The following PYY variants were observed in gnomAD, a reference collection of about 807,000 sequenced individuals.
PYY encodes peptide YY.
In PYY, 12 loss-of-function variants were observed where a neutral mutation model predicts 10.3. The observed-to-expected ratio is 1.17, with a 90% CI of 0.75 to 1.89. The LOEUF (loss-of-function observed/expected upper bound fraction) is 1.89. Ranked by LOEUF, PYY falls within the 40% of genes most tolerant of loss-of-function variation. The pLI is 0.00. For missense variants in PYY, 141 were observed against 134.0 expected (o/e 1.05, Z -0.26); for synonymous variants, 66 against 62.0 (o/e 1.06, Z -0.30).
chr17:43,959,688 G>GA (rs911721630), intron 2 of PYY, among the ~76,000 whole-genome samples: 1 of 151,780 alleles, frequency 6.6e-6, no homozygotes, highest in Non-Finnish European at 1.5e-5. Context: ...TCTCAAAAAA[G>GA]AAAAAAAATA....
At chr17:43,996,019 T>C (rs1318816487) in intron 1 of PYY, among the ~76,000 whole-genome samples, 3 of 151,950 alleles carry the variant, frequency 2.0e-5, no homozygotes, top group African/African-American at 7.2e-5. Flanking sequence ...ATTATATATA[T>C]ATATGAAAGA....
At chr17:43,980,808 A>G (rs1445210868) in intron 1 of PYY, among the ~76,000 whole-genome samples, 1 of 152,052 alleles carries the variant, frequency 6.6e-6, no homozygotes. Context: ...CTTCTGCTCA[A>G]TATTATGTTT....
At chr17:43,985,983 G>A (rs539478588) in intron 1 of PYY, among the ~76,000 whole-genome samples, 12 of 152,132 alleles carry the variant, frequency 7.9e-5, no homozygotes, top group Non-Finnish European at 1.8e-4. Context: ...TTGGCCAGGC[G>A]CGGTGGCTCA....
At chr17:43,978,157 C>G (rs2048860281) in intron 1 of PYY, among the ~76,000 whole-genome samples, 1 of 145,114 alleles carries the variant, frequency 6.9e-6, no homozygotes, top group Admixed American at 7.0e-5. Context: ...GATTATGCCA[C>G]CAGACATAAG....
chr17:43,979,200 G>C (rs1440462777), intron 1 of PYY, among the ~76,000 whole-genome samples: 1 of 152,202 alleles, frequency 6.6e-6, no homozygotes, highest in Non-Finnish European at 1.5e-5. Flanking sequence ...TCACTTGGCG[G>C]CTAATTAGAA....
At chr17:43,963,604 A>AAGAAAGAG (rs2048731739) in intron 2 of PYY, among the ~76,000 whole-genome samples, 1 of 91,112 alleles carries the variant, frequency 1.1e-5, no homozygotes, top group Non-Finnish European at 2.8e-5. Flanking sequence ...GAAAGAAAGA[A>AAGAAAGAG]AGAAAGAAAG....
At chr17:43,989,849 T>A (rs1265614288) in intron 1 of PYY, among the ~76,000 whole-genome samples, 30 of 746 alleles carry the variant, frequency 0.04, 12 homozygotes, top group Admixed American at 0.076. Context: ...AAAAAATATA[T>A]ATATATATAT....
Position 43,987,874 on chromosome 17 carries a change from C to G in PYY, c.-463+16517G>C, listed in dbSNP as rs2048925545. Among the ~76,000 whole-genome samples the G allele has an allele frequency of 6.6e-6, 1 of 152,182 alleles. No individual in the cohort carries two copies. Among genetic ancestry groups the G allele is most frequent in the Non-Finnish European group, 1.5e-5 (1 of 68,040 alleles). ...GGAGGAAGGGGGCAAGGATGGAGAA[C>G]GAGTGCTTCGGTAGCAGGGAGGGGC... On this transcript the variant is annotated intron_variant, in intron 1 of 6. Transcript: ENST00000360085. This position sits in a 1 kb window ranked among gnomAD's most constrained non-coding sequence, Gnocchi z 4.0.
At chr17:43,983,800 G>A (rs528043020) in intron 1 of PYY, among the ~76,000 whole-genome samples, 3 of 152,302 alleles carry the variant, frequency 2.0e-5, no homozygotes, top group Non-Finnish European at 4.4e-5. Context: ...CCGACCCCGC[G>A]CGAGTCTGCT....
At chr17:43,999,291 A>G (rs2049010324) in intron 1 of PYY, among the ~76,000 whole-genome samples, 1 of 152,098 alleles carries the variant, frequency 6.6e-6, no homozygotes, top group Admixed American at 6.6e-5. Context: ...AGATGGCCTA[A>G]GTGGATTGCG....
In PYY at chr17:43,976,409, T is replaced by TCATGTATACATATACATATA. The variant is rs2048847763; in HGVS notation, c.-462-9897_-462-9878dup. Among the ~76,000 whole-genome samples the TCATGTATACATATACATATA allele has an allele frequency of 1.2e-4, 3 of 26,060 alleles. No individual in the cohort carries two copies. The Admixed American group carries it at 1.5e-3, about 13-fold the overall frequency. 17.1% of individuals were successfully genotyped at this position (26,060 alleles called of 152,430 possible). The stretch of plus-strand genomic sequence containing the variant: ...TGTATACATATACGTATATACATAT[T>TCATGTATACATATACATATA]CATGTATACATATACATATATACAC... On this transcript the variant is annotated intron_variant, in intron 1 of 6. Transcript: ENST00000360085.
intron 1 of PYY, among the ~76,000 whole-genome samples, chr17:43,996,941 A>G (rs1179993455): frequency 1.3e-5 from 2 of 152,180 alleles, no homozygotes; most frequent in Non-Finnish European, 2.9e-5. Context: ...TACCTGCCTC[A>G]GCCTCCCAAA....
chr17:43,992,204 AG>A (rs1230851868), intron 1 of PYY, among the ~76,000 whole-genome samples: 1 of 152,190 alleles, frequency 6.6e-6, no homozygotes, highest in East Asian at 1.9e-4. Context: ...CAACAATATA[AG>A]GGAACGTTTT....
upstream of PYY, among the ~76,000 whole-genome samples, chr17:43,956,707 T>A (rs2048674729): frequency 6.6e-6 from 1 of 152,114 alleles, no homozygotes; most frequent in Non-Finnish European, 1.5e-5. Flanking sequence ...CAAGGGCCAC[T>A]CATCAAGATG....
At chr17:43,963,762 G>T (rs927718697) in intron 2 of PYY, among the ~76,000 whole-genome samples, 2 of 151,698 alleles carry the variant, frequency 1.3e-5, no homozygotes, top group Non-Finnish European at 2.9e-5. Context: ...GAGCCCAGGA[G>T]TTCGAGACTA....
intron 1 of PYY, among the ~76,000 whole-genome samples, chr17:43,999,530 G>A (rs1026762101): frequency 6.8e-5 from 10 of 146,810 alleles, no homozygotes; most frequent in South Asian, 6.2e-4. Flanking sequence ...GATCACCTAA[G>A]GTGAGGAGGG....
intron 1 of PYY, among the ~76,000 whole-genome samples, chr17:43,976,266 C>CATAT (rs1567932220): frequency 1.5e-5 from 2 of 137,292 alleles, no homozygotes; most frequent in African/African-American, 3.0e-5. Flanking sequence ...TACATGTATA[C>CATAT]ATGTACGTAT....
chr17:43,972,993 G>C (rs557866738), intron 1 of PYY, among the ~76,000 whole-genome samples: 13 of 152,020 alleles, frequency 8.6e-5, no homozygotes, highest in Admixed American at 2.6e-4. Flanking sequence ...GATTACAGGC[G>C]TGAGCCACCG....
chr17:43,975,623 G>A (rs1263748125), intron 1 of PYY, among the ~76,000 whole-genome samples: 3 of 151,124 alleles, frequency 2.0e-5, no homozygotes, highest in African/African-American at 7.3e-5. Flanking sequence ...GGAGGCTGAG[G>A]CGGGACAATC....
Sources: allele counts gnomAD v4.1 joint callset (sites outside exome capture counted in the v4.1 genomes callset), GRCh38; gene constraint gnomAD v4.1.1; non-coding constraint Gnocchi (gnomAD v3.1); transcripts MANE v1.5; gene names NCBI Gene and HGNC (gene_info 2026-07-23, HGNC 2026-07-21).